Variants in ZNF76 observed in about 807,000 individuals in gnomAD.
ZNF76 encodes the protein zinc finger protein 76, also known as zinc finger protein 523.
ZNF76 carries 66 observed loss-of-function variants against 66.9 expected under a neutral mutation model. The ratio of observed to expected loss-of-function variants is 0.99; its 90% CI spans 0.81 to 1.21. The LOEUF is 1.21. Ranked by LOEUF, ZNF76 falls within the 50% of genes most tolerant of loss-of-function variation. The probability of loss-of-function intolerance (pLI) is 0.00; values close to 1 mark genes in which losing one functional copy is unlikely to be tolerated. For missense variants in ZNF76, 729 were observed against 760.3 expected, an observed-to-expected ratio of 0.96 and a Z score of 0.48; for synonymous variants, 275 against 296.1, an observed-to-expected ratio of 0.93 and a Z score of 0.73.
At chr6:35,265,378 G>A (rs866721335) in intron 1 of ZNF76, among the ~76,000 whole-genome samples, 1 of 151,828 alleles carries the variant, frequency 6.6e-6, no homozygotes, top group Non-Finnish European at 1.5e-5. Context: ...GTGGTGGCAG[G>A]CACCTGTAAT....
rs1353671854 is a variant in ZNF76, at chr6:35,288,365, A to G, written c.432+520A>G. Reference sequence around the variant, plus strand: ...GATTCCTGGATTATGAGGCCCACACAGTAGCTCAGCTGGAAAGGAAAAGGG... The same window carrying G: ...GATTCCTGGATTATGAGGCCCACACGGTAGCTCAGCTGGAAAGGAAAAGGG... On this transcript the variant is annotated intron_variant, in intron 5 of 13. Transcript: ENST00000373953. 3 of 352,394 alleles carry G rather than the reference A, an allele frequency of 8.5e-6. No individual in the cohort carries two copies. In the Admixed American group the frequency reaches 1.1e-4, roughly 13 times the overall value. The allele number at this position is 352,394 out of a possible 1,614,324, so 21.8% of individuals were successfully genotyped here.
intron 2 of ZNF76, among the ~76,000 whole-genome samples, chr6:35,285,202 CTTG>C: frequency 6.6e-6 from 1 of 152,210 alleles, no homozygotes; most frequent in South Asian, 2.1e-4. Context: ...TTTTATGCTG[CTTG>C]TTGTGTTGCC....
At chr6:35,293,133 C>A in intron 11 of ZNF76, 89 bp downstream of exon 11, 1 of 1,445,608 alleles carries the variant, frequency 6.9e-7, no homozygotes, top group Non-Finnish European at 9.3e-7. Context: ...TCTGACAGCC[C>A]CACTGCCACC....
chr6:35,280,157 C>G (rs1204829629), intron 1 of ZNF76, among the ~76,000 whole-genome samples: 2 of 152,148 alleles, frequency 1.3e-5, no homozygotes, highest in Admixed American at 1.3e-4. Flanking sequence ...AAGTCCTGTT[C>G]TCAGCAGGCC....
chr6:35,285,991 A>G (rs1789505580), intron 2 of ZNF76, 137 bp from the exon 3 acceptor site: 1 of 782,740 alleles, frequency 1.3e-6, no homozygotes, highest in Non-Finnish European at 2.1e-6. Context: ...GAGCAAGGGA[A>G]CAAGGAAGAT....
chr6:35,267,932 A>G (rs755754634), intron 1 of ZNF76, among the ~76,000 whole-genome samples: 26 of 152,296 alleles, frequency 1.7e-4, no homozygotes, highest in Non-Finnish European at 2.8e-4. Flanking sequence ...CTTTCGTTCA[A>G]CATTTACTTC....
intron 5 of ZNF76, among the ~76,000 whole-genome samples, chr6:35,288,989 T>C (rs989414413): frequency 6.7e-6 from 1 of 148,656 alleles, no homozygotes; most frequent in South Asian, 2.1e-4. Context: ...AACTTTACAG[T>C]AGGCTACATT....
In ZNF76 at chr6:35,295,541, A is replaced by G. The variant is rs1791069772; in HGVS notation, c.*293A>G. 3 of 416,292 alleles carry G rather than the reference A, an allele frequency of 7.2e-6. No homozygotes were observed. The highest frequency in any genetic ancestry group is 6.2e-5 in the South Asian group (3 of 48,672). The allele number at this position is 416,292 out of a possible 1,614,324, so 25.8% of individuals were successfully genotyped here. ...TGGGCGCCCACTCTCCTCCTAAAGA[A>G]CACCCTTCTGGCCCTCAGTCTGTTC... On this transcript the variant is annotated 3_prime_UTR_variant, in exon 14 of 14. Coordinates refer to ENST00000373953, the MANE Select transcript of ZNF76 (RefSeq NM_003427.5).
intron 9 of ZNF76, 92 bp downstream of exon 9, chr6:35,291,829 C>A: frequency 6.8e-7 from 1 of 1,466,314 alleles, no homozygotes; most frequent in Non-Finnish European, 9.3e-7. Context: ...CAACTCCCAG[C>A]CCAGAACCCT....
intron 2 of ZNF76, among the ~76,000 whole-genome samples, chr6:35,284,335 C>T (rs1362314049): frequency 2.0e-5 from 3 of 152,040 alleles, no homozygotes; most frequent in Non-Finnish European, 4.4e-5. Context: ...CTCAGGTTAT[C>T]CGCCTGCCTC....
chr6:35,290,402 G>A lies in ZNF76; in HGVS notation c.549+20G>A. ...TTAAAGGTAAGGTTGCTGGCAGACA[G>A]CCGTCAGCTCTGCAGTCTTCCCTCC... On this transcript the variant is annotated intron_variant, in intron 6 of 13. Coordinates refer to ENST00000373953, the MANE Select transcript of ZNF76 (RefSeq NM_003427.5). The A allele has an allele frequency of 6.2e-7, 1 of 1,612,822 alleles. No homozygotes were observed.
chr6:35,293,709 C>T, intron 11 of ZNF76, 42 bp from the exon 12 acceptor site: 1 of 1,604,800 alleles, frequency 6.2e-7, no homozygotes. Context: ...TCAGACAACC[C>T]TCCACTGACA....
intron 5 of ZNF76, among the ~76,000 whole-genome samples, chr6:35,289,726 C>T (rs536883538): frequency 2.1e-4 from 32 of 152,310 alleles, no homozygotes; most frequent in African/African-American, 7.0e-4. Flanking sequence ...CTGGGTGCTT[C>T]TGGTCGTGGC....
At chr6:35,271,700 A>G (rs1173394672) in intron 1 of ZNF76, among the ~76,000 whole-genome samples, 1 of 151,682 alleles carries the variant, frequency 6.6e-6, no homozygotes, top group Non-Finnish European at 1.5e-5. Flanking sequence ...AAAAATATAT[A>G]TAGCAGATTC....
Position 35,293,689 on chromosome 6 carries a change from T to C in ZNF76, c.1330-62T>C, listed in dbSNP as rs1331343305. On this transcript the variant is annotated intron_variant, in intron 11 of 13. Coordinates refer to ENST00000373953, the MANE Select transcript of ZNF76 (RefSeq NM_003427.5). ...GTCTGGGAGAGCAGGTATATCTTCC[T>C]TAGGGACTTTCAGACAACCCTCCAC... 11 of 1,577,566 alleles carry C rather than the reference T, an allele frequency of 7.0e-6. No individual in the cohort carries two copies. The East Asian group carries it at 2.5e-4, about 35-fold the overall frequency.
chr6:35,287,310 C>T lies in ZNF76; in HGVS notation c.233-336C>T, dbSNP rs1468197582. Among the ~76,000 whole-genome samples, 1 of 152,132 alleles carries T rather than the reference C, an allele frequency of 6.6e-6. No homozygotes were observed. The highest frequency in any genetic ancestry group is 6.5e-5 in the Admixed American group (1 of 15,282). ...TCACATTTGTGTCCCGCAAAGATCC[C>T]TCTGGATGTTGTGCTGCCTGGAGGG... is the stretch of plus-strand genomic sequence containing the variant. On this transcript the variant is annotated intron_variant, in intron 4 of 13. Transcript: ENST00000373953. The surrounding 1 kb of genome is among the most constrained non-coding windows in gnomAD (Gnocchi z 4.0).
intron 1 of ZNF76, among the ~76,000 whole-genome samples, chr6:35,269,437 C>T (rs912736389): frequency 6.6e-6 from 1 of 152,088 alleles, no homozygotes; most frequent in Non-Finnish European, 1.5e-5. Flanking sequence ...TTTCTAGTGC[C>T]TCTATTTGAC....
intron 2 of ZNF76, among the ~76,000 whole-genome samples, chr6:35,284,419 G>A (rs1789243707): frequency 6.7e-6 from 1 of 148,366 alleles, no homozygotes; most frequent in East Asian, 2.0e-4. Flanking sequence ...TTCTTTTTGA[G>A]ACAGGACCTC....
Position 35,287,720 on chromosome 6 carries a change from G to C in ZNF76, c.307G>C (p.Ala103Pro). 1 of 1,614,252 alleles carries C rather than the reference G, an allele frequency of 6.2e-7. No individual in the cohort carries two copies. Among genetic ancestry groups the C allele is most frequent in the South Asian group, 1.1e-5 (1 of 91,092 alleles). ...CACTGCCTACATTCACCACCCTGTG[G>C]CTGTGCCATCGGAGAGCACCATCCT... ...GSTAYIHHPV[A>P]VPSESTILAV... Residue 103 changes from alanine to proline, a missense_variant, in exon 5 of 14, where the codon GCT (alanine) becomes CCT (proline). Physicochemically the swap from Ala to Pro is conservative, Grantham distance 27. Coordinates refer to ENST00000373953, the MANE Select transcript of ZNF76 (RefSeq NM_003427.5). The surrounding 1 kb of genome is among the most constrained non-coding windows in gnomAD (Gnocchi z 4.0).
Sources: gnomAD v4.1 joint callset for allele counts (sites outside exome capture counted in the v4.1 genomes callset) on GRCh38, gnomAD v4.1.1 for gene constraint, Gnocchi (gnomAD v3.1) non-coding constraint, MANE v1.5 for transcripts, NCBI Gene and HGNC (gene_info 2026-07-23, HGNC 2026-07-21) for gene names.